The following TMEM114 variants were observed in gnomAD, a reference collection of about 807,000 sequenced individuals.
TMEM114 encodes claudin-26.
TMEM114 carries 6 observed loss-of-function variants against 6.2 expected under a neutral mutation model. That is an observed-to-expected ratio of 0.97 (90% CI 0.53 to 1.91). TMEM114 has a LOEUF of 1.91. Ranked by LOEUF, TMEM114 falls within the 40% of genes most tolerant of loss-of-function variation. The pLI is 0.01. For missense variants in TMEM114, 218 were observed against 158.3 expected (o/e 1.38, Z -2.02); for synonymous variants, 104 against 73.0 (o/e 1.42, Z -2.16).
intron 2 of TMEM114, among the ~76,000 whole-genome samples, chr16:8,582,119 CA>C (rs909999176): frequency 2.6e-5 from 4 of 152,198 alleles, no homozygotes; most frequent in Non-Finnish European, 5.9e-5. Flanking sequence ...GTGATTTTTC[CA>C]ACCTCGCCTC....
chr16:8,579,175 G>C (rs1044360152), intron 2 of TMEM114, among the ~76,000 whole-genome samples: 2 of 152,150 alleles, frequency 1.3e-5, no homozygotes, highest in Non-Finnish European at 2.9e-5. Flanking sequence ...TTATCATGCT[G>C]TTCAAAGAGC....
downstream of TMEM114, among the ~76,000 whole-genome samples, chr16:8,564,973 G>A (rs376227219): frequency 2.6e-5 from 4 of 151,824 alleles, no homozygotes; most frequent in South Asian, 8.3e-4. Flanking sequence ...GAGTGAGGGA[G>A]TGAAAGAGTG....
chr16:8,561,691 G>A lies in TMEM114; in HGVS notation n.213-23865C>T, dbSNP rs543466567. On this transcript the variant is annotated intron_variant and non_coding_transcript_variant, in intron 2 of 2. Transcript: ENST00000623677. ...TGAGTGAATAAATGAATGAGTGAGC[G>A]AGTGAATAAATGAATCAGTGAATGA... Among the ~76,000 whole-genome samples the A allele has an allele frequency of 2.3e-4, 35 of 152,330 alleles. No homozygotes were observed. In the South Asian group the frequency reaches 6.4e-3, roughly 28 times the overall value.
chr16:8,528,506 T>C, the TMEM114 span, among the ~76,000 whole-genome samples: 1 of 152,102 alleles, frequency 6.6e-6, no homozygotes, highest in Non-Finnish European at 1.5e-5. Context: ...GGGGAGCATC[T>C]CCTGGAAGCC....
chr16:8,587,516 A>T (rs1344758827), intron 2 of TMEM114, among the ~76,000 whole-genome samples: 1 of 152,208 alleles, frequency 6.6e-6, no homozygotes, highest in Admixed American at 6.5e-5. Flanking sequence ...GGTGGAGGGA[A>T]CAGCATGTGC....
rs1387145493 is a variant in TMEM114 at position 8,570,153 on chromosome 16, C to T, written c.440-148G>A. 4.5e-6 allele frequency: 5 copies of T among 1,103,916 alleles called. No homozygotes were observed. In the African/African-American group the frequency reaches 7.9e-5, roughly 17 times the overall value. 68.4% of individuals were successfully genotyped at this position (1,103,916 alleles called of 1,614,324 possible). A position where few individuals can be genotyped will look rare whatever the true frequency, so the allele number is the denominator to read the frequency against. On this transcript the variant is annotated intron_variant, in intron 3 of 3. Transcript: ENST00000620492. ...GGACCTTTGCGCGTGCTAGTCTCCC[C>T]GCTGGGTGCATTCACCCCTGCTTCT...
At chr16:8,530,628 G>A in the TMEM114 span, among the ~76,000 whole-genome samples, 1 of 151,982 alleles carries the variant, frequency 6.6e-6, no homozygotes, top group Non-Finnish European at 1.5e-5. Flanking sequence ...GATGGATGAA[G>A]GGAGGTAAGG....
At chr16:8,562,548 GTGAGTGCGTCAATGAGTGAGTGAA>G (rs1901286447) in intron 2 of TMEM114, among the ~76,000 whole-genome samples, 263 of 145,512 alleles carry the variant, frequency 1.8e-3, no homozygotes, top group African/African-American at 5.8e-3. Context: ...GAGTGAATGA[GTGAGTGCGTCAATGAGTGAGTGAA>G]TGAGTGAGGA....
chr16:8,586,086 C>T (rs964504045), intron 2 of TMEM114, among the ~76,000 whole-genome samples: 2 of 152,180 alleles, frequency 1.3e-5, no homozygotes, highest in Non-Finnish European at 2.9e-5. Context: ...CCAATTGACC[C>T]ATGGATGTGA....
At chr16:8,566,140 G>C (rs1344662847), downstream of TMEM114, among the ~76,000 whole-genome samples, 1 of 152,174 alleles carries the variant, frequency 6.6e-6, no homozygotes, top group Non-Finnish European at 1.5e-5. Flanking sequence ...GGAGGCCAAG[G>C]TAGGTGGATC....
chr16:8,540,308 G>A (rs941663486), intron 2 of TMEM114, among the ~76,000 whole-genome samples: 7 of 152,102 alleles, frequency 4.6e-5, no homozygotes, highest in African/African-American at 1.7e-4. Context: ...ATAGAGGTAG[G>A]AGCTCTGGAG....
At chr16:8,565,014 T>C (rs898368329), downstream of TMEM114, among the ~76,000 whole-genome samples, 4 of 151,762 alleles carry the variant, frequency 2.6e-5, no homozygotes, top group South Asian at 8.4e-4. Flanking sequence ...AGTGACTGAG[T>C]GAATACATGA....
intron 2 of TMEM114, among the ~76,000 whole-genome samples, chr16:8,561,203 C>G (rs550243685): frequency 3.9e-5 from 6 of 152,336 alleles, no homozygotes; most frequent in African/African-American, 1.2e-4. Flanking sequence ...TCCTGTCTGT[C>G]CAGCCCTAGG....
chr16:8,566,802 G>C (rs1464620493), downstream of TMEM114, among the ~76,000 whole-genome samples: 1 of 151,950 alleles, frequency 6.6e-6, no homozygotes. Flanking sequence ...TCTTCATGCG[G>C]GTCTCAGCAC....
At chr16:8,577,287 C>G (rs1341365208) in intron 2 of TMEM114, among the ~76,000 whole-genome samples, 1 of 152,222 alleles carries the variant, frequency 6.6e-6, no homozygotes, top group Non-Finnish European at 1.5e-5. Flanking sequence ...CTGCCTTTAA[C>G]AGCTAGAGAG....
chr16:8,530,250 ATGAGCTGATTGC>A, the TMEM114 span, among the ~76,000 whole-genome samples: 1 of 152,142 alleles, frequency 6.6e-6, no homozygotes, highest in Non-Finnish European at 1.5e-5. Flanking sequence ...AGTATCTGAG[ATGAGCTGATTGC>A]TCACTGGCAT....
At chr16:8,548,193 G>A (rs1172567919) in intron 2 of TMEM114, among the ~76,000 whole-genome samples, 2 of 152,138 alleles carry the variant, frequency 1.3e-5, no homozygotes, top group East Asian at 1.9e-4. Flanking sequence ...GACTGAGCAA[G>A]GGGCTTAGTT....
intron 2 of TMEM114, among the ~76,000 whole-genome samples, chr16:8,578,555 G>C (rs774464058): frequency 6.6e-6 from 1 of 152,186 alleles, no homozygotes; most frequent in African/African-American, 2.4e-5. Flanking sequence ...CACATTCGCA[G>C]GTACTGGGGC....
At chr16:8,535,918 T>C (rs1015185080), downstream of TMEM114, among the ~76,000 whole-genome samples, 2 of 152,080 alleles carry the variant, frequency 1.3e-5, no homozygotes, top group African/African-American at 2.4e-5. Context: ...AAATGAAAGA[T>C]AAAAGCTTCA....
Sources: allele counts gnomAD v4.1 joint callset (sites outside exome capture counted in the v4.1 genomes callset), GRCh38; gene constraint gnomAD v4.1.1; transcripts MANE v1.5; gene names NCBI Gene and HGNC (gene_info 2026-07-23, HGNC 2026-07-21).